The following PRDM16 variants were observed in gnomAD, a reference collection of about 807,000 sequenced individuals.
PRDM16 encodes the protein PR/SET domain 16.
PRDM16 carries 23 observed loss-of-function variants against 110.6 expected under a neutral mutation model. The observed-to-expected ratio is 0.21, with a 90% confidence interval of 0.15 to 0.29. The LOEUF is 0.29. PRDM16 is among the 10% of genes least tolerant of loss of function. The probability of loss-of-function intolerance (pLI) is 1.00; values close to 1 mark genes in which losing one functional copy is unlikely to be tolerated. For missense variants in PRDM16, 1,615 were observed against 1,794.3 expected (o/e 0.90, Z 1.81); for synonymous variants, 799 against 781.8 (o/e 1.02, Z -0.37).
At chr1:3,197,610 A>G (rs748886836) in intron 2 of PRDM16, among the ~76,000 whole-genome samples, 5 of 152,252 alleles carry the variant, frequency 3.3e-5, no homozygotes, top group Admixed American at 6.5e-5. Flanking sequence ...TGAAGAATCT[A>G]CAGTACAGAT....
chr1:3,240,984 A>G (rs1391606453), intron 2 of PRDM16, among the ~76,000 whole-genome samples: 3 of 152,218 alleles, frequency 2.0e-5, no homozygotes, highest in Non-Finnish European at 4.4e-5. Context: ...GGCCGCTGCC[A>G]GCAATCGAGG....
At chr1:3,169,627 A>G (rs1385489807) in intron 1 of PRDM16, among the ~76,000 whole-genome samples, 1 of 152,212 alleles carries the variant, frequency 6.6e-6, no homozygotes, top group African/African-American at 2.4e-5. Flanking sequence ...AGAGGCTGAC[A>G]GAGGAAAACA....
chr1:3,332,127 C>T (rs1642053469), intron 3 of PRDM16, among the ~76,000 whole-genome samples: 1 of 152,260 alleles, frequency 6.6e-6, no homozygotes, highest in South Asian at 2.1e-4. Context: ...GCCTTCAGCC[C>T]CATTTTCAGG....
At chr1:3,103,922 T>G (rs1642588719) in intron 1 of PRDM16, among the ~76,000 whole-genome samples, 2 of 152,172 alleles carry the variant, frequency 1.3e-5, no homozygotes, top group South Asian at 4.1e-4. Flanking sequence ...ATCCACAAAC[T>G]TCCCCATCCA....
chr1:3,134,251 G>C (rs913432543), intron 1 of PRDM16, among the ~76,000 whole-genome samples: 16 of 152,258 alleles, frequency 1.1e-4, no homozygotes, highest in African/African-American at 3.8e-4. Flanking sequence ...GGAGCTGTCC[G>C]GAGCGCCATT....
intron 1 of PRDM16, among the ~76,000 whole-genome samples, chr1:3,184,582 A>G (rs983660424): frequency 1.3e-5 from 2 of 152,164 alleles, no homozygotes; most frequent in African/African-American, 4.8e-5. Flanking sequence ...TTTTTATGTT[A>G]TCGAGGCAGA....
At chr1:3,261,276 G>A (rs577823768) in intron 3 of PRDM16, among the ~76,000 whole-genome samples, 1 of 152,176 alleles carries the variant, frequency 6.6e-6, no homozygotes, top group African/African-American at 2.4e-5. Context: ...CAAGTGAATT[G>A]TGAGCCGCGA....
At chr1:3,116,858 C>T (rs1190941832) in intron 1 of PRDM16, among the ~76,000 whole-genome samples, 1 of 152,226 alleles carries the variant, frequency 6.6e-6, no homozygotes, top group Non-Finnish European at 1.5e-5. Flanking sequence ...CCAGTCAGGC[C>T]CTCCACAAAC....
At chr1:3,087,911 G>A (rs1044411266) in intron 1 of PRDM16, among the ~76,000 whole-genome samples, 2 of 152,046 alleles carry the variant, frequency 1.3e-5, no homozygotes, top group East Asian at 3.9e-4. Context: ...TTGTGGTTGA[G>A]CAAAGATTAC....
In PRDM16 at chr1:3,081,680, G is replaced by A. The variant is rs1452779188; in HGVS notation, c.37+12384G>A. Among the ~76,000 whole-genome samples the A allele has an allele frequency of 6.6e-6, 1 of 152,152 alleles. No individual in the cohort carries two copies. The highest frequency in any genetic ancestry group is 1.5e-5 in the Non-Finnish European group (1 of 68,014). ...CTGGGCAGGACAGCTGGACCTCCTGGCCACACAGCCGCTTCCCACCCCTGG... is the reference window on the plus strand; with the variant it reads ...CTGGGCAGGACAGCTGGACCTCCTGACCACACAGCCGCTTCCCACCCCTGG... On this transcript the variant is annotated intron_variant, in intron 1 of 16. Transcript: ENST00000270722. This position sits in a 1 kb window ranked among gnomAD's most constrained non-coding sequence, Gnocchi z 4.6.
chr1:3,263,381 G>A (rs1283769646), intron 3 of PRDM16, among the ~76,000 whole-genome samples: 1 of 152,206 alleles, frequency 6.6e-6, no homozygotes, highest in Non-Finnish European at 1.5e-5. Context: ...GCTCTCCCGT[G>A]GGGCCCCCCG....
intron 3 of PRDM16, among the ~76,000 whole-genome samples, chr1:3,338,053 A>G (rs746950508): frequency 3.9e-5 from 6 of 152,182 alleles, no homozygotes; most frequent in Non-Finnish European, 7.4e-5. Flanking sequence ...ATGCACACAC[A>G]TTCACACAGA....
intron 1 of PRDM16, among the ~76,000 whole-genome samples, chr1:3,174,370 G>C (rs1644062158): frequency 6.6e-6 from 1 of 152,122 alleles, no homozygotes; most frequent in Non-Finnish European, 1.5e-5. Flanking sequence ...GGGGGTTAGG[G>C]CTTGAATGCA....
chr1:3,189,860 A>G (rs2100805147), intron 2 of PRDM16, among the ~76,000 whole-genome samples: 1 of 152,322 alleles, frequency 6.6e-6, no homozygotes, highest in African/African-American at 2.4e-5. Context: ...GTTTGAAATA[A>G]AAGTCACGTG....
intron 4 of PRDM16, among the ~76,000 whole-genome samples, chr1:3,392,172 T>G (rs1367102501): frequency 6.6e-6 from 1 of 152,202 alleles, no homozygotes; most frequent in Non-Finnish European, 1.5e-5. Flanking sequence ...TTTTGGGAAA[T>G]GGTTTCAAAG....
chr1:3,186,643 C>T, intron 2 of PRDM16, 169 bp downstream of exon 2: 1 of 560,576 alleles, frequency 1.8e-6, no homozygotes, highest in Non-Finnish European at 3.1e-6. Context: ...CCTGATGCGA[C>T]TCAGAAAGCA....
At chr1:3,105,218 C>T (rs1405873834) in intron 1 of PRDM16, among the ~76,000 whole-genome samples, 2 of 152,172 alleles carry the variant, frequency 1.3e-5, no homozygotes, top group African/African-American at 4.8e-5. Flanking sequence ...GGGCTTAGAC[C>T]TGGAGGTACC....
rs1235172719 is a variant in PRDM16, at chr1:3,353,600, C to T, written c.439-31552C>T. Reference sequence around the variant, plus strand: ...AGGGCACAGGCCACAGGGGATGAGTCCAGCCCCGCAGTGTGACCGGCAGTT... The same window carrying T: ...AGGGCACAGGCCACAGGGGATGAGTTCAGCCCCGCAGTGTGACCGGCAGTT... On this transcript the variant is annotated intron_variant, in intron 3 of 16. Coordinates refer to ENST00000270722, the MANE Select transcript of PRDM16 (RefSeq NM_022114.4). The surrounding 1 kb of genome is among the most constrained non-coding windows in gnomAD (Gnocchi z 5.4). Among the ~76,000 whole-genome samples, 1 of 152,220 alleles carries T rather than the reference C, an allele frequency of 6.6e-6. No homozygotes were observed. The highest frequency in any genetic ancestry group is 2.4e-5 in the African/African-American group (1 of 41,464).
intron 3 of PRDM16, among the ~76,000 whole-genome samples, chr1:3,300,631 G>C (rs1414475581): frequency 6.6e-6 from 1 of 152,220 alleles, no homozygotes; most frequent in Non-Finnish European, 1.5e-5. Flanking sequence ...GGGTGCGTTT[G>C]TGCCAGGGAA....
Sources: allele counts gnomAD v4.1 joint callset (sites outside exome capture counted in the v4.1 genomes callset), GRCh38; gene constraint gnomAD v4.1.1; non-coding constraint Gnocchi (gnomAD v3.1); transcripts MANE v1.5; gene names NCBI Gene and HGNC (gene_info 2026-07-23, HGNC 2026-07-21).